DBT: variants seen among roughly 807,000 people sequenced by gnomAD.
The protein encoded by DBT is dihydrolipoamide branched chain transacylase E2, also known as lipoamide acyltransferase component of branched-chain alpha-keto acid dehydrogenase complex, mitochondrial.
Under a neutral mutation model 51.3 loss-of-function variants are expected in DBT, and 40 were observed. The ratio of observed to expected loss-of-function variants is 0.78; its 90% CI spans 0.61 to 1.02. The LOEUF (loss-of-function observed/expected upper bound fraction) is 1.02. Ranked by LOEUF, DBT falls within the 50% of genes least tolerant of loss-of-function variation. The pLI, the probability that DBT is intolerant of heterozygous loss-of-function variation, is 0.00. For synonymous variants in DBT, 181 were observed against 190.4 expected (o/e 0.95, Z 0.41); for missense variants, 510 against 580.2 (o/e 0.88, Z 1.24).
intron 7 of DBT, chr1:100,213,382 C>G (rs1662274493): frequency 6.4e-7 from 1 of 1,554,578 alleles, no homozygotes. Flanking sequence ...CGCACGGCTA[C>G]GGCGCCATCC....
chr1:100,211,412 T>TTC (rs1263069798), intron 7 of DBT, among the ~76,000 whole-genome samples: 1 of 152,238 alleles, frequency 6.6e-6, no homozygotes, highest in East Asian at 1.9e-4. Flanking sequence ...CTTGATAATC[T>TTC]GTTTTTGGGA....
chr1:100,206,276 A>C lies in DBT; in HGVS notation c.1235T>G (p.Val412Gly). 1 of 1,612,910 alleles carries C rather than the reference A, an allele frequency of 6.2e-7. No individual in the cohort carries two copies. The change falls in exon 10 of 11, where the codon GTG becomes GGG. Residue 412 changes from valine (V) to glycine (G), a missense_variant. Coordinates refer to ENST00000370132, the MANE Select transcript of DBT (RefSeq NM_001918.5). ...AATGGCTACTTCAGGTGGCATTATC[A>C]CTGGTTTGGCAAAGGTACCACCAAT... ...GSIGGTFAKP[V>G]IMPPEVAIGA...
At chr1:100,246,606 G>T (rs897581026) in intron 1 of DBT, among the ~76,000 whole-genome samples, 1 of 151,990 alleles carries the variant, frequency 6.6e-6, no homozygotes, top group South Asian at 2.1e-4. Flanking sequence ...ATTTACTACG[G>T]GGGTAAGAAC....
intron 1 of DBT, among the ~76,000 whole-genome samples, chr1:100,248,419 T>C (rs779318792): frequency 1.5e-4 from 23 of 152,190 alleles, no homozygotes; most frequent in Non-Finnish European, 2.8e-4. Flanking sequence ...ATCACGTACA[T>C]ATGAAACTGG....
At chr1:100,238,415 CTTCTTCT>C (rs1372460700) in intron 2 of DBT, among the ~76,000 whole-genome samples, 1 of 143,974 alleles carries the variant, frequency 6.9e-6, no homozygotes, top group African/African-American at 2.6e-5. Context: ...TCCTCCTTCT[CTTCTTCT>C]TTCTTTTATT....
At chr1:100,217,537 G>A (rs1172852581) in intron 5 of DBT, among the ~76,000 whole-genome samples, 1 of 152,224 alleles carries the variant, frequency 6.6e-6, no homozygotes, top group Non-Finnish European at 1.5e-5. Context: ...TAGTTCCCCA[G>A]TGGCAGGATA....
chr1:100,212,043 A>ACT (rs1292552681), intron 7 of DBT, among the ~76,000 whole-genome samples: 6 of 152,322 alleles, frequency 3.9e-5, no homozygotes, highest in African/African-American at 1.4e-4. Flanking sequence ...AAGTGTTGGG[A>ACT]TTACAGTCGT....
In DBT at chr1:100,191,144, A is replaced by G. The variant is rs1335870746; in HGVS notation, c.*5111T>C. 1 of 152,210 alleles carries G rather than the reference A, an allele frequency of 6.6e-6. No homozygotes were observed. Among genetic ancestry groups the G allele is most frequent in the Non-Finnish European group, 1.5e-5 (1 of 68,036 alleles). 9.4% of individuals were successfully genotyped at this position (152,210 alleles called of 1,614,324 possible). On this transcript the variant is annotated 3_prime_UTR_variant, in exon 11 of 11. Transcript: ENST00000370132. ...TGCCAGTATAAGAGTAGAGCATTAAAGCTAGTGAGTATATTAACACGCAAA... is the reference window on the plus strand; with the variant it reads ...TGCCAGTATAAGAGTAGAGCATTAAGGCTAGTGAGTATATTAACACGCAAA...
chr1:100,207,804 G>A (rs1002794628), intron 8 of DBT, among the ~76,000 whole-genome samples: 28 of 151,392 alleles, frequency 1.8e-4, no homozygotes, highest in African/African-American at 6.3e-4. Context: ...ATGCATGGGT[G>A]ACAGAGCAAA....
chr1:100,191,208 T>C lies in DBT; in HGVS notation c.*5047A>G, dbSNP rs772160709. The C allele has an allele frequency of 6.6e-6, 1 of 152,204 alleles. No homozygotes were observed. The highest frequency in any genetic ancestry group is 1.5e-5 in the Non-Finnish European group (1 of 68,042). The allele number at this position is 152,204 out of a possible 1,614,324, so 9.4% of individuals were successfully genotyped here. ...ATCAGATGAATAGAGAATACTGAAG[T>C]TAGTAATTCACATTTTGACAGCATC... On this transcript the variant is annotated 3_prime_UTR_variant, in exon 11 of 11. Coordinates refer to ENST00000370132, the MANE Select transcript of DBT (RefSeq NM_001918.5).
At chr1:100,224,679 T>C (rs1414102031) in intron 4 of DBT, among the ~76,000 whole-genome samples, 2 of 152,100 alleles carry the variant, frequency 1.3e-5, no homozygotes, top group Non-Finnish European at 2.9e-5. Context: ...TTCTAAGCTT[T>C]ACTGAGATAG....
At chr1:100,212,572 TAAA>T (rs907358127) in intron 7 of DBT, among the ~76,000 whole-genome samples, 5 of 150,802 alleles carry the variant, frequency 3.3e-5, no homozygotes, top group African/African-American at 1.2e-4. Context: ...AAAAGGGAGA[TAAA>T]GAAGAATAGT....
intron 6 of DBT, 119 bp from the exon 7 acceptor site, chr1:100,215,102 A>C: frequency 1.4e-6 from 1 of 726,856 alleles, no homozygotes; most frequent in Admixed American, 2.5e-5. Context: ...TCTCAGTTAA[A>C]CCCTTCCTCT....
chr1:100,229,999 T>A (rs1408358249), intron 4 of DBT, among the ~76,000 whole-genome samples: 1 of 152,206 alleles, frequency 6.6e-6, no homozygotes, highest in Admixed American at 6.5e-5. Context: ...CTCTTCAACT[T>A]CTCTTGAAAA....
Position 100,197,050 on chromosome 1 carries a change from T to G in DBT, c.1282-628A>C, listed in dbSNP as rs185620976. ...GATATTGCCAACAAAATTGGGATCA[T>G]CTAAAATGAACCCAGCTAATTCTAA... On this transcript the variant is annotated intron_variant, in intron 10 of 10. Coordinates refer to ENST00000370132, the MANE Select transcript of DBT (RefSeq NM_001918.5). The G allele has an allele frequency of 9.0e-3, 1,855 of 206,494 alleles. 15 individuals are homozygous for G. The highest frequency in any genetic ancestry group is 0.014 in the Non-Finnish European group (1,360 of 97,002). The allele number at this position is 206,494 out of a possible 1,614,324, so 12.8% of individuals were successfully genotyped here.
intron 1 of DBT, chr1:100,249,082 G>T (rs1274782844): frequency 2.7e-5 from 27 of 987,948 alleles, no homozygotes; most frequent in Non-Finnish European, 3.2e-5. Context: ...CAAGGCAGGA[G>T]CATCTAGGGA....
At chr1:100,244,031 C>T (rs891493847) in intron 1 of DBT, among the ~76,000 whole-genome samples, 3 of 144,262 alleles carry the variant, frequency 2.1e-5, no homozygotes, top group African/African-American at 7.7e-5. Context: ...TCATTGCACT[C>T]CAGCCTAGGC....
chr1:100,236,736 A>G (rs1227089831), intron 2 of DBT, among the ~76,000 whole-genome samples: 2 of 152,220 alleles, frequency 1.3e-5, no homozygotes, highest in African/African-American at 4.8e-5. Context: ...GTCATAATGA[A>G]GAACTGGAAA....
intron 1 of DBT, among the ~76,000 whole-genome samples, chr1:100,244,220 C>T (rs548170981): frequency 6.6e-6 from 1 of 152,116 alleles, no homozygotes; most frequent in Non-Finnish European, 1.5e-5. Context: ...ACTTTTAAGG[C>T]AGAGGAAACA....
Sources: gnomAD v4.1 joint callset for allele counts (sites outside exome capture counted in the v4.1 genomes callset) on GRCh38, gnomAD v4.1.1 for gene constraint, MANE v1.5 for transcripts, NCBI Gene and HGNC (gene_info 2026-07-23, HGNC 2026-07-21) for gene names.